Variants in MAGI2 observed in about 807,000 individuals in gnomAD.
MAGI2 encodes the protein membrane-associated guanylate kinase, WW and PDZ domain-containing protein 2.
Under a neutral mutation model 133.3 loss-of-function variants are expected in MAGI2, and 35 were observed. The observed-to-expected ratio is 0.26, with a 90% CI of 0.20 to 0.35. The LOEUF (loss-of-function observed/expected upper bound fraction) is 0.35. Ranked by LOEUF, MAGI2 falls within the 10% of genes least tolerant of loss-of-function variation. MAGI2 has a pLI of 1.00. For synonymous variants in MAGI2, 729 were observed against 710.6 expected (o/e 1.03, Z -0.41); for missense variants, 1,636 against 1,863.4 (o/e 0.88, Z 2.25).
intron 16 of MAGI2, among the ~76,000 whole-genome samples, chr7:78,146,465 GA>G (rs533979183): frequency 1.3e-5 from 2 of 151,744 alleles, no homozygotes; most frequent in African/African-American, 4.8e-5. Context: ...AATCTGTTTG[GA>G]AAAAAAATTA....
chr7:78,058,152 A>G (rs184467821), intron 21 of MAGI2, among the ~76,000 whole-genome samples: 9 of 152,008 alleles, frequency 5.9e-5, no homozygotes, highest in Admixed American at 5.9e-4. Context: ...CTTTCATCAG[A>G]AAAACCCAGT....
At chr7:79,126,989 C>G (rs971378817) in intron 1 of MAGI2, among the ~76,000 whole-genome samples, 3 of 150,364 alleles carry the variant, frequency 2.0e-5, no homozygotes, top group Non-Finnish European at 4.4e-5. Flanking sequence ...TGTGATGTTC[C>G]CCTTCCTGTG....
At chr7:78,515,728 C>T (rs1013225875) in intron 4 of MAGI2, among the ~76,000 whole-genome samples, 1 of 151,946 alleles carries the variant, frequency 6.6e-6, no homozygotes, top group South Asian at 2.1e-4. Context: ...GGAGAAACCC[C>T]ATCTCTACTA....
At chr7:78,038,352 T>C (rs943749024) in intron 21 of MAGI2, among the ~76,000 whole-genome samples, 1 of 152,202 alleles carries the variant, frequency 6.6e-6, no homozygotes, top group African/African-American at 2.4e-5. Flanking sequence ...TGTAACTAGA[T>C]CAGGATCTGC....
chr7:78,530,453 A>G (rs567707354), intron 3 of MAGI2, among the ~76,000 whole-genome samples: 63 of 152,356 alleles, frequency 4.1e-4, no homozygotes, highest in African/African-American at 1.4e-3. Context: ...TGAATGTTTT[A>G]GGCAAATAAG....
intron 1 of MAGI2, among the ~76,000 whole-genome samples, chr7:79,128,687 A>T (rs574535432): frequency 4.9e-4 from 74 of 152,346 alleles, no homozygotes; most frequent in African/African-American, 1.5e-3. Flanking sequence ...ACAGTCATAC[A>T]TGGTAAAGGT....
At chr7:78,794,260 G>A (rs1266682842) in intron 2 of MAGI2, among the ~76,000 whole-genome samples, 3 of 152,192 alleles carry the variant, frequency 2.0e-5, no homozygotes, top group Non-Finnish European at 4.4e-5. Flanking sequence ...GCTCAGCTGA[G>A]TTTGTTGGTA....
At chr7:79,093,177 A>T (rs1817214707) in intron 1 of MAGI2, among the ~76,000 whole-genome samples, 2 of 144,200 alleles carry the variant, frequency 1.4e-5, no homozygotes, top group Non-Finnish European at 3.0e-5. Context: ...AGCTCTATTA[A>T]AAAAAAAAAA....
intron 1 of MAGI2, among the ~76,000 whole-genome samples, chr7:79,214,413 A>C (rs1245954738): frequency 5.9e-3 from 537 of 91,522 alleles, no homozygotes; most frequent in East Asian, 0.014. Flanking sequence ...CTCTCTATAT[A>C]TATATATATA....
Position 78,167,423 on chromosome 7 carries a change from G to A in MAGI2, c.2596+493C>T, listed in dbSNP as rs570872379. Among the ~76,000 whole-genome samples, 33 of 152,280 alleles carry A rather than the reference G, an allele frequency of 2.2e-4. 1 individual carries two copies. The South Asian group carries it at 6.6e-3, about 31-fold the overall frequency. On this transcript the variant is annotated intron_variant, in intron 15 of 21. Transcript: ENST00000354212. ...ACATAAATTTGGAACTATATGAACT[G>A]TGTTTTCTTGGAGCGAGGTACAGCT... is the stretch of plus-strand genomic sequence containing the variant.
chr7:78,052,224 T>C (rs904234548), intron 21 of MAGI2, among the ~76,000 whole-genome samples: 12 of 152,176 alleles, frequency 7.9e-5, no homozygotes, highest in African/African-American at 2.6e-4. Context: ...GTGTTGGAGG[T>C]AGGGCCTGGG....
intron 1 of MAGI2, among the ~76,000 whole-genome samples, chr7:79,062,100 T>C (rs1365858401): frequency 6.6e-6 from 1 of 152,116 alleles, no homozygotes; most frequent in Non-Finnish European, 1.5e-5. Context: ...GGCCCACAAT[T>C]AATGAAAATA....
chr7:79,001,401 T>C (rs1806844571), intron 2 of MAGI2, among the ~76,000 whole-genome samples: 1 of 152,238 alleles, frequency 6.6e-6, no homozygotes, highest in African/African-American at 2.4e-5. Context: ...TTCCTTTTCA[T>C]TTTGAAACTT....
At chr7:78,192,224 T>C (rs552816772) in intron 12 of MAGI2, among the ~76,000 whole-genome samples, 1 of 152,198 alleles carries the variant, frequency 6.6e-6, no homozygotes, top group African/African-American at 2.4e-5. Flanking sequence ...GTTGCACTGA[T>C]TTTTCCCCCC....
intron 6 of MAGI2, among the ~76,000 whole-genome samples, chr7:78,371,487 C>T (rs1793912163): frequency 6.6e-6 from 1 of 151,934 alleles, no homozygotes; most frequent in Non-Finnish European, 1.5e-5. Context: ...AGCCCTACTT[C>T]TTAATGCCAA....
intron 2 of MAGI2, among the ~76,000 whole-genome samples, chr7:78,865,424 T>C (rs558970589): frequency 2.6e-4 from 40 of 152,104 alleles, no homozygotes; most frequent in Admixed American, 1.4e-3. Flanking sequence ...GAAATGTTGA[T>C]GGACAGAAAC....
chr7:78,177,308 A>G (rs759082062), intron 14 of MAGI2, among the ~76,000 whole-genome samples: 12 of 152,176 alleles, frequency 7.9e-5, no homozygotes, highest in Non-Finnish European at 1.5e-4. Context: ...CACATCTTTT[A>G]CAATGAGTGT....
At chr7:79,243,317 G>A (rs1353754408) in intron 1 of MAGI2, among the ~76,000 whole-genome samples, 2 of 152,154 alleles carry the variant, frequency 1.3e-5, no homozygotes, top group Non-Finnish European at 2.9e-5. Flanking sequence ...TCATTGTGAA[G>A]AGTGGATTTC....
At chr7:78,319,900 A>G (rs1342997803) in intron 9 of MAGI2, among the ~76,000 whole-genome samples, 2 of 152,314 alleles carry the variant, frequency 1.3e-5, no homozygotes, top group Admixed American at 1.3e-4. Context: ...AGACGAAAAG[A>G]GAGAAGAATC....
Sources: allele counts gnomAD v4.1 joint callset (sites outside exome capture counted in the v4.1 genomes callset), GRCh38; gene constraint gnomAD v4.1.1; transcripts MANE v1.5; gene names NCBI Gene and HGNC (gene_info 2026-07-23, HGNC 2026-07-21).